The following DLGAP1 variants were observed in gnomAD, a reference collection of about 807,000 sequenced individuals.
DLGAP1 encodes DLG associated protein 1.
DLGAP1 carries 11 observed loss-of-function variants against 90.8 expected under a neutral mutation model. That is an observed-to-expected ratio of 0.12 (90% CI 0.08 to 0.20). The LOEUF (loss-of-function observed/expected upper bound fraction) is 0.20. DLGAP1 is among the 10% of genes least tolerant of loss of function. The pLI is 1.00. For synonymous variants in DLGAP1, 558 were observed against 540.7 expected (o/e 1.03, Z -0.44); for missense variants, 1,050 against 1,333.8 (o/e 0.79, Z 3.31).
intron 1 of DLGAP1, among the ~76,000 whole-genome samples, chr18:4,157,094 C>T (rs751071744): frequency 2.0e-5 from 3 of 151,978 alleles, no homozygotes; most frequent in East Asian, 1.9e-4. Flanking sequence ...GAAAACTAGA[C>T]GGGGACATGT....
chr18:4,449,592 G>A (rs2083766396), intron 1 of DLGAP1, among the ~76,000 whole-genome samples: 1 of 152,140 alleles, frequency 6.6e-6, no homozygotes, highest in African/African-American at 2.4e-5. Context: ...TTTATTAAGT[G>A]CCAGGTGCTG....
intron 7 of DLGAP1, chr18:3,654,616 T>C (rs932712687): frequency 2.6e-5 from 4 of 152,160 alleles, no homozygotes; most frequent in Non-Finnish European, 5.9e-5. Flanking sequence ...TGAAACTCAG[T>C]GCTCAAATTG....
intron 9 of DLGAP1, among the ~76,000 whole-genome samples, chr18:3,551,335 C>T (rs995295817): frequency 1.3e-5 from 2 of 151,886 alleles, no homozygotes; most frequent in Non-Finnish European, 2.9e-5. Context: ...CTGCAACCTC[C>T]ACCTCCCAGG....
At chr18:4,106,799 T>A (rs1192859026) in intron 2 of DLGAP1, among the ~76,000 whole-genome samples, 2 of 152,200 alleles carry the variant, frequency 1.3e-5, no homozygotes, top group Non-Finnish European at 2.9e-5. Context: ...CTTTAGTATT[T>A]GATGTGTCCA....
intron 7 of DLGAP1, among the ~76,000 whole-genome samples, chr18:3,671,983 C>T (rs774783776): frequency 1.1e-4 from 16 of 151,986 alleles, no homozygotes; most frequent in Middle Eastern, 3.2e-3. Context: ...TTGTATATTT[C>T]GTGTTTTTTT....
chr18:4,305,264 G>C (rs1208513293), intron 1 of DLGAP1, among the ~76,000 whole-genome samples: 1 of 152,062 alleles, frequency 6.6e-6, no homozygotes, highest in Non-Finnish European at 1.5e-5. Context: ...GCCGGGCGTG[G>C]TGGCTCACGC....
intron 3 of DLGAP1, among the ~76,000 whole-genome samples, chr18:3,991,565 T>A (rs919711939): frequency 6.6e-6 from 1 of 152,214 alleles, no homozygotes; most frequent in African/African-American, 2.4e-5. Context: ...GGGTCTCTTC[T>A]GGAGGCTGAC....
intron 1 of DLGAP1, among the ~76,000 whole-genome samples, chr18:4,404,572 A>G (rs1167781856): frequency 1.3e-5 from 2 of 152,250 alleles, no homozygotes; most frequent in Non-Finnish European, 2.9e-5. Flanking sequence ...TTACTCTTAC[A>G]TACATTACTG....
chr18:4,217,754 A>G (rs1321775451), intron 1 of DLGAP1, among the ~76,000 whole-genome samples: 1 of 152,080 alleles, frequency 6.6e-6, no homozygotes, highest in African/African-American at 2.4e-5. Flanking sequence ...TACTTTGGAT[A>G]CAAATGCTTT....
chr18:3,823,720 C>T (rs186233389), intron 4 of DLGAP1, among the ~76,000 whole-genome samples: 1 of 151,920 alleles, frequency 6.6e-6, no homozygotes, highest in African/African-American at 2.4e-5. Flanking sequence ...GAGGCCGAGG[C>T]GGGCAGATCA....
At chr18:4,393,369 C>T (rs1330245073) in intron 1 of DLGAP1, among the ~76,000 whole-genome samples, 6 of 152,122 alleles carry the variant, frequency 3.9e-5, no homozygotes. Context: ...ATTTGGTGAA[C>T]ATGCCAGTCT....
At chr18:3,972,535 T>C (rs1409653337) in intron 3 of DLGAP1, among the ~76,000 whole-genome samples, 1 of 152,098 alleles carries the variant, frequency 6.6e-6, no homozygotes, top group Non-Finnish European at 1.5e-5. Flanking sequence ...TCTTTCTTTC[T>C]CATAGTTTTA....
intron 2 of DLGAP1, among the ~76,000 whole-genome samples, chr18:4,059,716 A>C (rs896653210): frequency 2.0e-5 from 3 of 151,672 alleles, no homozygotes; most frequent in Non-Finnish European, 4.4e-5. Context: ...CATCTCAAAA[A>C]TAAATAAATA....
chr18:3,776,582 A>G (rs760153317), intron 5 of DLGAP1, among the ~76,000 whole-genome samples: 10 of 152,076 alleles, frequency 6.6e-5, no homozygotes, highest in Non-Finnish European at 1.5e-4. Context: ...CTCCGTTATA[A>G]CCAGAAAGTG....
intron 7 of DLGAP1, among the ~76,000 whole-genome samples, chr18:3,594,659 G>A (rs765384974): frequency 1.1e-4 from 17 of 152,116 alleles, no homozygotes; most frequent in Non-Finnish European, 2.5e-4. Flanking sequence ...TTTCGTTGTT[G>A]TTGTTTTAAA....
rs559791458 is a variant in DLGAP1 at position 4,114,586 on chromosome 18, T to G, written c.-159+36594A>C. 3.3e-5 allele frequency among the ~76,000 whole-genome samples: 5 copies of G among 152,238 alleles called. No homozygotes were observed. In the South Asian group the frequency reaches 8.3e-4, roughly 25 times the overall value. On this transcript the variant is annotated intron_variant, in intron 2 of 12. Transcript: ENST00000315677. Reference sequence around the variant, plus strand: ...ATAGTTTGACTTCTTCTTTTCCTATTTAGATGTCTTTTATTTCTTTTTTCG... The same window carrying G: ...ATAGTTTGACTTCTTCTTTTCCTATGTAGATGTCTTTTATTTCTTTTTTCG...
chr18:3,876,503 T>G (rs866226104), intron 4 of DLGAP1, among the ~76,000 whole-genome samples: 2 of 152,354 alleles, frequency 1.3e-5, no homozygotes, highest in South Asian at 2.1e-4. Context: ...CTAGCTTGGT[T>G]AATTATTTCC....
In DLGAP1 at chr18:3,638,103, C is replaced by T. The variant is rs2058788405; in HGVS notation, c.1592-55855G>A. On this transcript the variant is annotated intron_variant, in intron 7 of 12. Transcript: ENST00000315677. ...CTGGGAGTACAGGCGCCCGCCACCC[C>T]GCCAGGCTAATTTTTTGTATTTTTT... Among the ~76,000 whole-genome samples, 7 of 151,694 alleles carry T rather than the reference C, an allele frequency of 4.6e-5. No homozygotes were observed. The South Asian group carries it at 1.2e-3, about 27-fold the overall frequency.
intron 4 of DLGAP1, among the ~76,000 whole-genome samples, chr18:3,837,759 C>T (rs960982403): frequency 1.4e-5 from 2 of 139,600 alleles, no homozygotes; most frequent in African/African-American, 2.7e-5. Context: ...GGCTAAGGCA[C>T]GAGAATTGCT....
Sources: allele counts gnomAD v4.1 joint callset (sites outside exome capture counted in the v4.1 genomes callset), GRCh38; gene constraint gnomAD v4.1.1; transcripts MANE v1.5; gene names NCBI Gene and HGNC (gene_info 2026-07-23, HGNC 2026-07-21).